GPC3: variants seen among roughly 807,000 people sequenced by gnomAD.
The protein encoded by GPC3 is glypican-3.
A neutral mutation model predicts 34.4 loss-of-function variants in GPC3; 3 were observed. The observed-to-expected ratio is 0.09, with a 90% CI of 0.04 to 0.23. The LOEUF is 0.23. GPC3 is among the 10% of genes least tolerant of loss of function. GPC3 has a pLI of 1.00. For missense variants in GPC3, 351 were observed against 445.6 expected, an observed-to-expected ratio of 0.79 and a Z score of 1.91; for synonymous variants, 177 against 174.0, an observed-to-expected ratio of 1.02 and a Z score of -0.13.
intron 6 of GPC3, among the ~76,000 whole-genome samples, 162 bp downstream of exon 6, chrX:133,661,568 T>TC (rs2070718045): frequency 6.3e-5 from 1 of 15,991 alleles, no homozygotes; most frequent in African/African-American, 2.2e-4. Context: ...ATATCTCTCT[T>TC]TCTCTCTCTC....
chrX:133,661,811 C>T lies in GPC3; in HGVS notation c.1332G>A (p.Gln444=), dbSNP rs771847990. The part of the protein sequence containing the change: ...QKAARNGMKN[Q]FNLHELKMKG... Reference sequence around the variant, plus strand: ...TCATTTTCAGCTCATGGAGATTGAACTGGTTTTTCATTCCATTCCTTGCTG... The same window carrying T: ...TCATTTTCAGCTCATGGAGATTGAATTGGTTTTTCATTCCATTCCTTGCTG... The change falls in exon 6 of 8, where the codon CAG becomes CAA. Residue 444 remains glutamine (Q), a synonymous_variant. Coordinates refer to ENST00000370818, the MANE Select transcript of GPC3 (RefSeq NM_004484.4). 7 of 1,195,219 alleles carry T rather than the reference C, an allele frequency of 5.9e-6. No individual in the cohort carries two copies. The East Asian group carries it at 1.8e-4, about 31-fold the overall frequency.
chrX:133,663,725 T>A (rs1294104702), intron 5 of GPC3, among the ~76,000 whole-genome samples: 1 of 111,572 alleles, frequency 9.0e-6, no homozygotes, highest in African/African-American at 3.3e-5. Context: ...CAGCCTAGTT[T>A]GGGACAAGAG....
intron 1 of GPC3, among the ~76,000 whole-genome samples, chrX:133,980,658 G>A (rs760880541): frequency 4.5e-5 from 5 of 112,352 alleles, no homozygotes; most frequent in African/African-American, 1.3e-4. Context: ...ATGATGTATC[G>A]TGTGCACAAG....
At chrX:133,767,338 T>C (rs1012558850) in intron 2 of GPC3, among the ~76,000 whole-genome samples, 3 of 111,896 alleles carry the variant, frequency 2.7e-5, no homozygotes, top group Admixed American at 9.5e-5. Context: ...CTTAGAGTCA[T>C]GATGAAATGG....
chrX:133,657,178 G>A (rs1231327666), intron 6 of GPC3, among the ~76,000 whole-genome samples: 1 of 112,117 alleles, frequency 8.9e-6, no homozygotes, highest in African/African-American at 3.2e-5. Flanking sequence ...CTGAAATGGG[G>A]AAACAATAAA....
intron 1 of GPC3, among the ~76,000 whole-genome samples, chrX:133,978,561 C>T (rs951547958): frequency 1.8e-5 from 2 of 111,478 alleles, no homozygotes; most frequent in Admixed American, 1.9e-4. Flanking sequence ...AAACTAATAT[C>T]CTTTATCACT....
intron 2 of GPC3, among the ~76,000 whole-genome samples, chrX:133,883,538 A>G (rs1412376461): frequency 8.9e-6 from 1 of 112,112 alleles, no homozygotes; most frequent in African/African-American, 3.2e-5. Flanking sequence ...TTTAAAGTCA[A>G]GTTTTATAGA....
At chrX:133,825,916 G>C (rs1405094061) in intron 2 of GPC3, among the ~76,000 whole-genome samples, 2 of 111,847 alleles carry the variant, frequency 1.8e-5, no homozygotes, top group Admixed American at 1.9e-4. Context: ...GAAAATCTCT[G>C]TCCAATCATT....
intron 5 of GPC3, among the ~76,000 whole-genome samples, chrX:133,689,680 G>A (rs2071043265): frequency 8.9e-6 from 1 of 112,204 alleles, no homozygotes; most frequent in Admixed American, 9.5e-5. Flanking sequence ...GCTTGATATT[G>A]GATAAGTGCT....
intron 6 of GPC3, among the ~76,000 whole-genome samples, chrX:133,604,411 G>T (rs1018255253): frequency 8.1e-5 from 9 of 111,761 alleles, no homozygotes; most frequent in Admixed American, 7.6e-4. Flanking sequence ...AGGACCAGAA[G>T]GGGGAGATAA....
At chrX:133,740,609 A>C (rs185309730) in intron 3 of GPC3, among the ~76,000 whole-genome samples, 1 of 111,657 alleles carries the variant, frequency 9.0e-6, no homozygotes, top group African/African-American at 3.3e-5. Flanking sequence ...AGGAATAAGC[A>C]GTTGAGTAAA....
At chrX:133,735,202 A>G (rs2071498610) in intron 3 of GPC3, among the ~76,000 whole-genome samples, 1 of 111,684 alleles carries the variant, frequency 9.0e-6, no homozygotes, top group Admixed American at 9.5e-5. Flanking sequence ...CACACTTCCC[A>G]TTTTCAAAAC....
chrX:133,675,855 T>C lies in GPC3; in HGVS notation c.1293-14005A>G, dbSNP rs1189944499. On this transcript the variant is annotated intron_variant, in intron 5 of 7. Coordinates refer to ENST00000370818, the MANE Select transcript of GPC3 (RefSeq NM_004484.4). Reference sequence around the variant, plus strand: ...CTATTCTACACTTACCTATTAAGCATCTACATAGCCCTGTTCTCAGCCACA... The same window carrying C: ...CTATTCTACACTTACCTATTAAGCACCTACATAGCCCTGTTCTCAGCCACA... 3.6e-5 allele frequency among the ~76,000 whole-genome samples: 4 copies of C among 112,601 alleles called. No homozygotes were observed. In the South Asian group the frequency reaches 1.1e-3, roughly 31 times the overall value.
rs7891666 is a variant in GPC3, at chrX:133,947,545, C to T, written c.337+5505G>A. 3.9e-3 allele frequency among the ~76,000 whole-genome samples: 438 copies of T among 111,959 alleles called. 5 individuals are homozygous for T. The highest frequency in any genetic ancestry group is 0.012 in the African/African-American group (382 of 30,826). ...ACTAAAGCCACAGAATTTTGAGACC[C>T]GATTGAATCCAAAAGTTTTACTTTA... On this transcript the variant is annotated intron_variant, in intron 2 of 7. Coordinates refer to ENST00000370818, the MANE Select transcript of GPC3 (RefSeq NM_004484.4).
At chrX:133,951,046 AAGTG>A (rs1344853447) in intron 2 of GPC3, among the ~76,000 whole-genome samples, 1 of 39,414 alleles carries the variant, frequency 2.5e-5, no homozygotes, top group Non-Finnish European at 4.8e-5. Flanking sequence ...CAATTCAAGA[AAGTG>A]TGTGTGTGTG....
intron 2 of GPC3, among the ~76,000 whole-genome samples, chrX:133,850,096 A>G (rs777500165): frequency 1.2e-4 from 13 of 110,750 alleles, no homozygotes; most frequent in African/African-American, 4.3e-4. Flanking sequence ...TGAGATTATA[A>G]CTTTAAGGCC....
At chrX:133,863,986 G>A (rs1271848970) in intron 2 of GPC3, among the ~76,000 whole-genome samples, 1 of 111,586 alleles carries the variant, frequency 9.0e-6, no homozygotes, top group African/African-American at 3.3e-5. Context: ...AACACACTAC[G>A]CCTTTTTGAT....
At chrX:133,805,844 G>T (rs181495347) in intron 2 of GPC3, among the ~76,000 whole-genome samples, 3 of 111,972 alleles carry the variant, frequency 2.7e-5, no homozygotes. Context: ...GTACCTTAAA[G>T]AATCACTTTA....
chrX:133,701,825 G>A (rs1449238158), intron 3 of GPC3, among the ~76,000 whole-genome samples: 1 of 111,443 alleles, frequency 9.0e-6, no homozygotes, highest in African/African-American at 3.3e-5. Flanking sequence ...GCTTTGGAAG[G>A]CTTTTCATAT....
Sources: allele counts gnomAD v4.1 joint callset (sites outside exome capture counted in the v4.1 genomes callset), GRCh38; gene constraint gnomAD v4.1.1; transcripts MANE v1.5; gene names NCBI Gene and HGNC (gene_info 2026-07-23, HGNC 2026-07-21).